The following FRMPD4 variants were observed in gnomAD, a reference collection of about 807,000 sequenced individuals.
The protein encoded by FRMPD4 is FERM and PDZ domain containing 4.
Under a neutral mutation model 94.1 loss-of-function variants are expected in FRMPD4, and 22 were observed. That is an observed-to-expected ratio of 0.23 (90% CI 0.17 to 0.33). FRMPD4 has a LOEUF of 0.33. Ranked by LOEUF, FRMPD4 falls within the 10% of genes least tolerant of loss-of-function variation. The pLI is 1.00. For synonymous variants in FRMPD4, 631 were observed against 548.6 expected (o/e 1.15, Z -2.10); for missense variants, 1,111 against 1,339.9 (o/e 0.83, Z 2.67).
intron 1 of FRMPD4, among the ~76,000 whole-genome samples, chrX:12,493,221 CAAATGTA>C (rs1010492979): frequency 9.0e-5 from 10 of 111,225 alleles, no homozygotes; most frequent in African/African-American, 3.3e-4. Context: ...CATCTGCTTG[CAAATGTA>C]AAATACTATC....
chrX:12,284,578 A>G (rs1198984772), intron 1 of FRMPD4, among the ~76,000 whole-genome samples: 1 of 111,926 alleles, frequency 8.9e-6, no homozygotes, highest in Non-Finnish European at 1.9e-5. Flanking sequence ...CTTCCAGGGC[A>G]GGGCCGAGAT....
At chrX:12,163,366 T>G (rs1484817509) in intron 1 of FRMPD4, among the ~76,000 whole-genome samples, 1 of 105,398 alleles carries the variant, frequency 9.5e-6, no homozygotes, top group Non-Finnish European at 1.9e-5. Flanking sequence ...TTTCTTTGTT[T>G]GTTTTTATTT....
Position 12,690,206 on chromosome X carries a change from A to T in FRMPD4, c.693A>T (p.Leu231Phe). The change falls in exon 8 of 17, where the codon TTA becomes TTT. Residue 231 changes from leucine to phenylalanine, a missense_variant. By Grantham distance (22) the Leu-to-Phe change is conservative. This residue lies in a region of FRMPD4 where 37 missense variants were observed against 101.0 expected (regional missense o/e 0.37). Coordinates refer to ENST00000675598, the MANE Select transcript of FRMPD4 (RefSeq NM_001368397.1). Reference protein sequence around the residue: ...DCSTSIKDVILTLQEKLSIKG... With the variant: ...DCSTSIKDVIFTLQEKLSIKG... ...GTTTCCTCTGTAAGGATGTCATCTT[A>T]ACCCTTCAAGAGAAGCTCTCCATCA... The T allele has an allele frequency of 8.3e-7, 1 of 1,203,696 alleles. No homozygotes were observed. The highest frequency in any genetic ancestry group is 1.1e-6 in the Non-Finnish European group (1 of 888,673).
intron 1 of FRMPD4, among the ~76,000 whole-genome samples, chrX:12,175,638 C>T (rs1229058681): frequency 8.9e-6 from 1 of 111,939 alleles, no homozygotes; most frequent in East Asian, 2.8e-4. Context: ...CTCAGCCTCC[C>T]GAGTAGCTGG....
At chrX:12,658,009 G>T (rs1406823200) in intron 4 of FRMPD4, among the ~76,000 whole-genome samples, 1 of 111,655 alleles carries the variant, frequency 9.0e-6, no homozygotes, top group Non-Finnish European at 1.9e-5. Flanking sequence ...AAAGACAGAG[G>T]AGTTCTTTCC....
rs755310474 is a variant in FRMPD4, at chrX:12,180,518, C to T, written c.41+41506C>T. Among the ~76,000 whole-genome samples, 4 of 111,695 alleles carry T rather than the reference C, an allele frequency of 3.6e-5. No homozygotes were observed. In the East Asian group the frequency reaches 1.1e-3, roughly 32 times the overall value. On this transcript the variant is annotated intron_variant, in intron 1 of 16. Transcript: ENST00000675598. ...AGACTGGGGATAAGGAATATGATTACGTTTAAGAGACCATTTGTGAATTAG... is the reference window on the plus strand; with the variant it reads ...AGACTGGGGATAAGGAATATGATTATGTTTAAGAGACCATTTGTGAATTAG...
At chrX:12,263,606 A>C (rs2054227741) in intron 1 of FRMPD4, among the ~76,000 whole-genome samples, 1 of 111,391 alleles carries the variant, frequency 9.0e-6, no homozygotes, top group African/African-American at 3.3e-5. Context: ...AAGCTACCAC[A>C]ATGACCCAGG....
At chrX:11,845,853 T>C (rs201558289) in intron 1 of FRMPD4, among the ~76,000 whole-genome samples, 8 of 108,810 alleles carry the variant, frequency 7.4e-5, no homozygotes, top group Non-Finnish European at 1.3e-4. Context: ...AAACTCTCAA[T>C]AAATTAGGTA....
At chrX:12,191,953 G>A (rs1422928758) in intron 1 of FRMPD4, among the ~76,000 whole-genome samples, 2 of 111,525 alleles carry the variant, frequency 1.8e-5, no homozygotes, top group Admixed American at 9.4e-5. Context: ...TGATAGTTGG[G>A]GAGTCTGTGT....
intron 7 of FRMPD4, among the ~76,000 whole-genome samples, chrX:12,686,822 TG>T (rs2060029301): frequency 9.0e-6 from 1 of 111,530 alleles, no homozygotes; most frequent in African/African-American, 3.3e-5. Context: ...GCAAAGCATA[TG>T]GTTTTTTTCC....
rs184421727 is a variant in FRMPD4 at position 11,997,284 on chromosome X, G to T, written c.95+119266G>T. On this transcript the variant is annotated intron_variant, in intron 3 of 18. Transcript: ENST00000640291. ...TAGGCTCAAAGATGTTGGTTAGGAGGCTGCTTCAGTAATTCAATTCTAATG... is the reference window on the plus strand; with the variant it reads ...TAGGCTCAAAGATGTTGGTTAGGAGTCTGCTTCAGTAATTCAATTCTAATG... Among the ~76,000 whole-genome samples, 47 of 111,271 alleles carry T rather than the reference G, an allele frequency of 4.2e-4. 1 individual carries two copies. The East Asian group carries it at 0.012, about 30-fold the overall frequency.
At chrX:11,870,211 A>G (rs1288796354) in intron 2 of FRMPD4, among the ~76,000 whole-genome samples, 16 of 111,916 alleles carry the variant, frequency 1.4e-4, no homozygotes. Context: ...ATGGAAATTT[A>G]GAGATTTCAC....
At chrX:12,467,277 T>C (rs181882449) in intron 1 of FRMPD4, among the ~76,000 whole-genome samples, 1 of 111,257 alleles carries the variant, frequency 9.0e-6, no homozygotes, top group African/African-American at 3.3e-5. Context: ...CTCCATTGTA[T>C]CAGGTCAACT....
chrX:11,959,426 G>A (rs2054273202), intron 3 of FRMPD4, among the ~76,000 whole-genome samples: 2 of 112,242 alleles, frequency 1.8e-5, no homozygotes, highest in South Asian at 7.4e-4. Flanking sequence ...GTCCCTTCAG[G>A]GGTCCCATGT....
chrX:11,844,395 T>C (rs2053561455), intron 1 of FRMPD4, among the ~76,000 whole-genome samples: 1 of 111,067 alleles, frequency 9.0e-6, no homozygotes, highest in Admixed American at 9.7e-5. Flanking sequence ...GGTTGACATT[T>C]TATTTTATCT....
At chrX:12,080,985 T>C (rs1226510605) in intron 3 of FRMPD4, among the ~76,000 whole-genome samples, 1 of 112,356 alleles carries the variant, frequency 8.9e-6, no homozygotes, top group Non-Finnish European at 1.9e-5. Context: ...AATGGCTGCT[T>C]ATTTAAAGCT....
At chrX:12,453,536 G>T in intron 1 of FRMPD4, among the ~76,000 whole-genome samples, 1 of 111,667 alleles carries the variant, frequency 9.0e-6, no homozygotes, top group South Asian at 3.8e-4. Context: ...TGGCAATAAG[G>T]TCATCGTTTT....
At chrX:12,693,129 C>A (rs1280265165) in intron 8 of FRMPD4, among the ~76,000 whole-genome samples, 1 of 112,298 alleles carries the variant, frequency 8.9e-6, no homozygotes, top group Middle Eastern at 4.2e-3. Context: ...CATGCATACA[C>A]ACACCACGGG....
At chrX:12,033,714 T>G (rs1394356122) in intron 3 of FRMPD4, among the ~76,000 whole-genome samples, 2 of 111,760 alleles carry the variant, frequency 1.8e-5, no homozygotes, top group Non-Finnish European at 3.8e-5. Flanking sequence ...TATTTTATTT[T>G]GAGACGGAGT....
Sources: gnomAD v4.1 joint callset for allele counts (sites outside exome capture counted in the v4.1 genomes callset) on GRCh38, gnomAD v4.1.1 for gene constraint, gnomAD v4.1.1 regional missense constraint, MANE v1.5 for transcripts, NCBI Gene and HGNC (gene_info 2026-07-23, HGNC 2026-07-21) for gene names.